Variants in GHRHR observed in about 807,000 individuals in gnomAD.
The protein encoded by GHRHR is growth hormone releasing hormone receptor, also known as growth hormone-releasing hormone receptor.
Under a neutral mutation model 58.3 loss-of-function variants are expected in GHRHR, and 40 were observed. The observed-to-expected ratio is 0.69, with a 90% CI of 0.53 to 0.89. The LOEUF (loss-of-function observed/expected upper bound fraction) is 0.89. GHRHR is among the 40% of genes least tolerant of loss of function. GHRHR has a pLI of 0.00. For missense variants in GHRHR, 551 were observed against 541.3 expected, an observed-to-expected ratio of 1.02 and a Z score of -0.18; for synonymous variants, 249 against 216.6, an observed-to-expected ratio of 1.15 and a Z score of -1.31.
chr7:30,965,861 G>A (rs1021864594), intron 1 of GHRHR, among the ~76,000 whole-genome samples: 21 of 152,200 alleles, frequency 1.4e-4, no homozygotes, highest in Non-Finnish European at 2.2e-4. Context: ...TTCCTTCCCC[G>A]CTTTGTGCGC....
At chr7:30,965,401 G>T (rs867160353) in intron 1 of GHRHR, among the ~76,000 whole-genome samples, 1 of 127,210 alleles carries the variant, frequency 7.9e-6, no homozygotes, top group African/African-American at 4.0e-5. Context: ...CCTCAGGGGT[G>T]GGTGGGGTCC....
At chr7:30,977,405 C>G in intron 12 of GHRHR, 83 bp downstream of exon 12, 1 of 1,145,442 alleles carries the variant, frequency 8.7e-7, no homozygotes, top group Non-Finnish European at 1.3e-6. Context: ...CACTCAGGCC[C>G]TGTAAACCCC....
chr7:30,966,544 A>C (rs1250315065), intron 1 of GHRHR, among the ~76,000 whole-genome samples: 1 of 152,016 alleles, frequency 6.6e-6, no homozygotes, highest in Non-Finnish European at 1.5e-5. Context: ...TCTGGCTCTA[A>C]AAAATGCTCC....
In GHRHR at chr7:30,974,430, G is replaced by C. The variant is rs1162204535; in HGVS notation, c.753G>C (p.Gly251=). The C allele has an allele frequency of 3.1e-6, 5 of 1,608,782 alleles. No individual in the cohort carries two copies. The highest frequency in any genetic ancestry group is 4.3e-6 in the Non-Finnish European group (5 of 1,175,234). Residue 251 remains glycine (G), a splice_region_variant and synonymous_variant, in exon 8 of 13, where the codon GGG becomes GGC. Coordinates refer to ENST00000326139, the MANE Select transcript of GHRHR (RefSeq NM_000823.4). ...AFWWLVLAGW[G]LPVLFTGTWV... is the part of the protein sequence containing the mutation. Reference sequence around the variant, plus strand: ...TGTGTCTTCCCTGTACTCCTGTAGGGCTGCCCGTGCTCTTCACTGGCACGT... The same window carrying C: ...TGTGTCTTCCCTGTACTCCTGTAGGCCTGCCCGTGCTCTTCACTGGCACGT...
At position 30,964,104 on chromosome 7, in the gene GHRHR, C is replaced by T. The variant is rs559089371; in HGVS notation, c.36C>T (p.Cys12=). 7.7e-6 allele frequency: 12 copies of T among 1,549,760 alleles called. No individual in the cohort carries two copies. Among genetic ancestry groups the T allele is most frequent in the Admixed American group, 3.9e-5 (2 of 51,014 alleles). The change falls in exon 1 of 13, where the codon TGC becomes TGT. Residue 12 remains cysteine, a synonymous_variant. Coordinates refer to ENST00000326139, the MANE Select transcript of GHRHR (RefSeq NM_000823.4). ...GGATGTGGGGGGCCCACGTCTTCTG[C>T]GTGTTGAGCCCGTTACCGACCGTGA... ...DRRMWGAHVF[C]VLSPLPTVLG...
In GHRHR at chr7:30,972,066, G is replaced by A. The variant is rs1463167649; in HGVS notation, c.568G>A (p.Asp190Asn). The part of the protein sequence containing the change: ...FLKDAALFHS[D>N]DTDHCSFSTV... ...GAAGGATGCTGCCCTTTTCCACAGC[G>A]ACGACACTGACCACTGCAGCTTCTC... The change falls in exon 6 of 13, where the codon GAC becomes AAC. Residue 190 changes from aspartate to asparagine, a missense_variant. Transcript: ENST00000326139. The A allele has an allele frequency of 3.1e-6, 5 of 1,613,932 alleles. No individual in the cohort carries two copies. In the African/African-American group the frequency reaches 4.0e-5, roughly 13 times the overall value.
intron 6 of GHRHR, 110 bp downstream of exon 6, chr7:30,972,205 C>A (rs1792494964): frequency 2.5e-6 from 3 of 1,194,318 alleles, no homozygotes; most frequent in Non-Finnish European, 2.4e-6. Flanking sequence ...GACCCTGGGG[C>A]TCCCGCATGG....
chr7:30,969,063 G>T lies in GHRHR; in HGVS notation c.161G>T (p.Gly54Val), dbSNP rs766587678. Residue 54 changes from glycine (G) to valine (V), a missense_variant and splice_region_variant, in exon 3 of 13, where the codon GGC becomes GTC. Physicochemically the swap from Gly to Val is moderately radical, Grantham distance 109 (BLOSUM62 -3). Coordinates refer to ENST00000326139, the MANE Select transcript of GHRHR (RefSeq NM_000823.4). ...CTGCTGCTCCTGGCTCTCTATCCAG[G>T]CTGCCCTGCGACCTGGGATGGGCTG... ...AAEEMPNTTLGCPATWDGLLC... is the reference protein window; with the variant it reads ...AAEEMPNTTLVCPATWDGLLC... The T allele has an allele frequency of 1.9e-6, 3 of 1,577,990 alleles. No individual in the cohort carries two copies. The Admixed American group carries it at 5.6e-5, about 29-fold the overall frequency.
intron 1 of GHRHR, among the ~76,000 whole-genome samples, chr7:30,967,715 C>A (rs1282995627): frequency 6.6e-6 from 1 of 151,880 alleles, no homozygotes; most frequent in East Asian, 1.9e-4. Context: ...CCTTCCTTCC[C>A]TCCTTCCTTT....
At chr7:30,977,900 A>T (rs147528024) in intron 12 of GHRHR, among the ~76,000 whole-genome samples, 1 of 152,344 alleles carries the variant, frequency 6.6e-6, no homozygotes, top group African/African-American at 2.4e-5. Flanking sequence ...GCACATGTGG[A>T]AACGTGGGGA....
At chr7:30,976,014 T>G in intron 10 of GHRHR, 146 bp downstream of exon 10, 1 of 678,898 alleles carries the variant, frequency 1.5e-6, no homozygotes, top group Non-Finnish European at 2.7e-6. Flanking sequence ...CCTGGCCCCT[T>G]CCTTCTAGGG....
At chr7:30,973,955 G>C in intron 6 of GHRHR, 30 bp from the exon 7 acceptor site, 1 of 1,610,578 alleles carries the variant, frequency 6.2e-7, no homozygotes, top group Non-Finnish European at 8.5e-7. Context: ...GGGTGTCCCA[G>C]CTCTGAAGCA....
At chr7:30,964,924 C>T (rs565875968) in intron 1 of GHRHR, among the ~76,000 whole-genome samples, 3 of 152,272 alleles carry the variant, frequency 2.0e-5, no homozygotes, top group South Asian at 2.1e-4. Context: ...ATTCTTCCTC[C>T]GCTGCCTTAT....
Position 30,971,970 on chromosome 7 carries a change from C to T in GHRHR, c.472C>T (p.His158Tyr), listed in dbSNP as rs1203587581. 3 of 1,613,902 alleles carry T rather than the reference C, an allele frequency of 1.9e-6. No individual in the cohort carries two copies. The highest frequency in any genetic ancestry group is 2.2e-5 in the East Asian group (1 of 44,882). The change falls in exon 6 of 13, where the codon CAC (histidine) becomes TAC (tyrosine). Residue 158 changes from histidine (H) to tyrosine (Y), a missense_variant. Physicochemically the swap from His to Tyr is moderately conservative, Grantham distance 83. Coordinates refer to ENST00000326139, the MANE Select transcript of GHRHR (RefSeq NM_000823.4). ...ITILVALRRL[H>Y]CPRNYVHTQL... ...TTCTCCCATTACCCCCAGGAGGCTCCACTGCCCCCGGAACTACGTCCACAC... is the reference window on the plus strand; with the variant it reads ...TTCTCCCATTACCCCCAGGAGGCTCTACTGCCCCCGGAACTACGTCCACAC...
At chr7:30,972,389 C>T (rs1333053633) in intron 6 of GHRHR, among the ~76,000 whole-genome samples, 1 of 152,098 alleles carries the variant, frequency 6.6e-6, no homozygotes, top group Non-Finnish European at 1.5e-5. Context: ...TTCCTTTCAC[C>T]CCTCCCTGAG....
chr7:30,969,794 GT>G (rs760708992), intron 3 of GHRHR, 72 bp from the exon 4 acceptor site: 1 of 1,461,534 alleles, frequency 6.8e-7, no homozygotes, highest in Non-Finnish European at 9.6e-7. Context: ...TCACTTGATG[GT>G]CCCTGGCACC....
intron 8 of GHRHR, 47 bp downstream of exon 8, chr7:30,974,536 G>A: frequency 6.1e-6 from 8 of 1,314,300 alleles, no homozygotes; most frequent in Non-Finnish European, 8.8e-6. Flanking sequence ...CCTACATGGG[G>A]TGTGGAGTGG....
At chr7:30,975,143 GAA>G in intron 9 of GHRHR, 103 bp downstream of exon 9, 1 of 834,162 alleles carries the variant, frequency 1.2e-6, no homozygotes, top group East Asian at 2.5e-5. Flanking sequence ...TGGGTGTCTT[GAA>G]AACTGGGCTC....
intron 6 of GHRHR, among the ~76,000 whole-genome samples, chr7:30,973,393 T>A (rs1209650987): frequency 6.6e-6 from 1 of 152,198 alleles, no homozygotes; most frequent in Non-Finnish European, 1.5e-5. Context: ...GAAGAAAGCA[T>A]CACTTTAATC....
Sources: gnomAD v4.1 joint callset for allele counts (sites outside exome capture counted in the v4.1 genomes callset) on GRCh38, gnomAD v4.1.1 for gene constraint, MANE v1.5 for transcripts, NCBI Gene and HGNC (gene_info 2026-07-23, HGNC 2026-07-21) for gene names.